The following N4BP2L2 variants were observed in gnomAD, a reference collection of about 807,000 sequenced individuals.
The protein encoded by N4BP2L2 is NEDD4-binding protein 2-like 2.
N4BP2L2 carries 50 observed loss-of-function variants against 56.2 expected under a neutral mutation model. The ratio of observed to expected loss-of-function variants is 0.89; its 90% CI spans 0.71 to 1.13. N4BP2L2 has a LOEUF of 1.13. Ranked by LOEUF, N4BP2L2 falls within the 50% of genes most tolerant of loss-of-function variation. N4BP2L2 has a pLI of 0.00. For missense variants in N4BP2L2, 689 were observed against 693.8 expected, an observed-to-expected ratio of 0.99 and a Z score of 0.08; for synonymous variants, 203 against 223.6, an observed-to-expected ratio of 0.91 and a Z score of 0.82.
exon 7 of N4BP2L2, chr13:32,443,235 A>C: frequency 6.2e-7 from 1 of 1,613,906 alleles, no homozygotes; most frequent in South Asian, 1.1e-5. Flanking sequence ...ATATTTCTGG[A>C]TTGTTTCCTG....
intron 6 of N4BP2L2, among the ~76,000 whole-genome samples, chr13:32,467,640 A>C (rs1289066263): frequency 6.6e-6 from 1 of 151,918 alleles, no homozygotes; most frequent in Non-Finnish European, 1.5e-5. Flanking sequence ...GGTTAGTTAT[A>C]ACATTAATAT....
At chr13:32,451,716 ATT>A (rs780502313) in intron 6 of N4BP2L2, among the ~76,000 whole-genome samples, 11 of 132,956 alleles carry the variant, frequency 8.3e-5, no homozygotes, top group Non-Finnish European at 6.5e-5. Context: ...CTGCCCAGCT[ATT>A]TTTTTTTTTT....
chr13:32,530,604 T>G (rs1239652838), intron 2 of N4BP2L2, among the ~76,000 whole-genome samples: 2 of 152,184 alleles, frequency 1.3e-5, no homozygotes, highest in Non-Finnish European at 2.9e-5. Context: ...CTATTTTATG[T>G]CAAACATTTT....
At chr13:32,535,477 T>C (rs931590023) in intron 2 of N4BP2L2, among the ~76,000 whole-genome samples, 1 of 152,260 alleles carries the variant, frequency 6.6e-6, no homozygotes, top group African/African-American at 2.4e-5. Context: ...CACTGTCAGA[T>C]GCTATTCTCA....
chr13:32,490,538 T>G (rs1015919197), intron 6 of N4BP2L2, among the ~76,000 whole-genome samples: 1 of 152,084 alleles, frequency 6.6e-6, no homozygotes, highest in Non-Finnish European at 1.5e-5. Flanking sequence ...CTCCTGACCT[T>G]AGGTGATCCA....
intron 6 of N4BP2L2, among the ~76,000 whole-genome samples, chr13:32,483,523 A>C (rs772385100): frequency 6.6e-6 from 1 of 152,240 alleles, no homozygotes; most frequent in South Asian, 2.1e-4. Context: ...GTTGTACATC[A>C]CTAAATTTCA....
In N4BP2L2 at chr13:32,535,751, T is replaced by G. The variant is rs767946276; in HGVS notation, c.1259+18A>C. 1 of 1,601,630 alleles carries G rather than the reference T, an allele frequency of 6.2e-7. No individual in the cohort carries two copies. The highest frequency in any genetic ancestry group is 1.1e-5 in the South Asian group (1 of 89,486). ...AAATAATGAATTACCAAGTATTCAG[T>G]TGGTATCCTTTACTTACCGAGACAA... On this transcript the variant is annotated intron_variant, in intron 2 of 5. Transcript: ENST00000267068.
chr13:32,446,546 G>T, intron 6 of N4BP2L2: 3 of 1,285,970 alleles, frequency 2.3e-6, no homozygotes, highest in South Asian at 2.5e-5. Context: ...TCGATTAAAT[G>T]GTAAAATACT....
At chr13:32,491,244 G>A (rs1441703109) in intron 6 of N4BP2L2, among the ~76,000 whole-genome samples, 1 of 152,032 alleles carries the variant, frequency 6.6e-6, no homozygotes, top group Non-Finnish European at 1.5e-5. Flanking sequence ...TGCTTACCAT[G>A]CATATTTTAC....
chr13:32,438,659 GACATCTT>G lies in N4BP2L2; in HGVS notation c.2176_2182del (p.Lys726GlnfsTer13). On this transcript the variant is annotated frameshift_variant, in exon 8 of 10. Transcript: ENST00000357505. LOFTEE classifies it high-confidence loss of function. ...ACACACACACATATATACCTCCACT[GACATCTT>G]CCATTGCAAGTAGATCATCTTTAGT... The G allele has an allele frequency of 6.2e-7, 1 of 1,600,082 alleles. No homozygotes were observed. Among genetic ancestry groups the G allele is most frequent in the Non-Finnish European group, 8.6e-7 (1 of 1,168,196 alleles).
chr13:32,473,381 A>G (rs998579168), intron 6 of N4BP2L2, among the ~76,000 whole-genome samples: 12 of 152,226 alleles, frequency 7.9e-5, no homozygotes, highest in African/African-American at 2.7e-4. Context: ...ACAACCAAAG[A>G]TAACAAGCAA....
downstream of N4BP2L2, chr13:32,508,098 G>A (rs1307541417): frequency 6.6e-6 from 1 of 152,154 alleles, no homozygotes; most frequent in Non-Finnish European, 1.5e-5. Context: ...AAAGTTAAAT[G>A]CTTGCTGAGT....
At chr13:32,515,861 C>G (rs1263783000) in exon 6 of N4BP2L2, 1 of 152,140 alleles carries the variant, frequency 6.6e-6, no homozygotes, top group Non-Finnish European at 1.5e-5. Context: ...CCTCAGCCTC[C>G]CAAGTAGCTG....
chr13:32,472,257 G>A (rs2023399), intron 6 of N4BP2L2, among the ~76,000 whole-genome samples: 8,710 of 152,168 alleles, frequency 0.057, 841 homozygotes, highest in African/African-American at 0.2. Flanking sequence ...ACCTAAAACT[G>A]TCCTAAAAAT....
intron 6 of N4BP2L2, among the ~76,000 whole-genome samples, chr13:32,445,624 G>C (rs2076940945): frequency 6.6e-6 from 1 of 152,190 alleles, no homozygotes; most frequent in Non-Finnish European, 1.5e-5. Flanking sequence ...CTACTCTGTG[G>C]GGTACTTGGA....
At chr13:32,469,948 C>T (rs1463684452) in intron 6 of N4BP2L2, among the ~76,000 whole-genome samples, 4 of 152,118 alleles carry the variant, frequency 2.6e-5, no homozygotes, top group Admixed American at 2.6e-4. Context: ...GACACTGGAC[C>T]ACCGCAGCCA....
exon 6 of N4BP2L2, chr13:32,511,209 G>A (rs2139771306): frequency 6.6e-6 from 1 of 152,238 alleles, no homozygotes; most frequent in Non-Finnish European, 1.5e-5. Context: ...CATTAAATAA[G>A]CAGCAGTTAT....
intron 6 of N4BP2L2, among the ~76,000 whole-genome samples, chr13:32,472,918 ATGTGT>A (rs2082590835): frequency 6.6e-6 from 1 of 152,208 alleles, no homozygotes; most frequent in East Asian, 1.9e-4. Context: ...CTGAATTGGG[ATGTGT>A]TGTAAGTCTA....
chr13:32,505,558 G>A (rs982818319), downstream of N4BP2L2: 38 of 152,134 alleles, frequency 2.5e-4, no homozygotes. Context: ...GCAGCAAGAA[G>A]AAACCAGGCC....
Sources: allele counts gnomAD v4.1 joint callset (sites outside exome capture counted in the v4.1 genomes callset), GRCh38; gene constraint gnomAD v4.1.1; transcripts MANE v1.5; gene names NCBI Gene and HGNC (gene_info 2026-07-23, HGNC 2026-07-21).